The following MYO1B variants were observed in gnomAD, a reference collection of about 807,000 sequenced individuals.
The protein encoded by MYO1B is myosin IB, also known as unconventional myosin-Ib.
MYO1B carries 72 observed loss-of-function variants against 159.7 expected under a neutral mutation model. The ratio of observed to expected loss-of-function variants is 0.45; its 90% CI spans 0.37 to 0.55. The LOEUF (loss-of-function observed/expected upper bound fraction) is 0.55, where lower values mean the gene tolerates loss of function less well. Ranked by LOEUF, MYO1B falls within the 20% of genes least tolerant of loss-of-function variation. The pLI is 0.00. For synonymous variants in MYO1B, 468 were observed against 473.8 expected, an observed-to-expected ratio of 0.99 and a Z score of 0.16; for missense variants, 1,062 against 1,364.8, an observed-to-expected ratio of 0.78 and a Z score of 3.50.
intron 26 of MYO1B, among the ~76,000 whole-genome samples, chr2:191,409,982 T>A (rs1333730376): frequency 6.6e-6 from 1 of 152,134 alleles, no homozygotes; most frequent in Non-Finnish European, 1.5e-5. Context: ...TGGGCTTGTT[T>A]TTTTGTTAGA....
chr2:191,281,164 G>T (rs1033258610), intron 2 of MYO1B, among the ~76,000 whole-genome samples: 1 of 152,138 alleles, frequency 6.6e-6, no homozygotes, highest in African/African-American at 2.4e-5. Context: ...TCTTCACTTT[G>T]AGGTGGGTTG....
At chr2:191,420,567 C>T (rs1697876177) in intron 30 of MYO1B, among the ~76,000 whole-genome samples, 1 of 152,188 alleles carries the variant, frequency 6.6e-6, no homozygotes, top group Non-Finnish European at 1.5e-5. Flanking sequence ...TGGGTAAATG[C>T]ACTCACTCTA....
intron 1 of MYO1B, among the ~76,000 whole-genome samples, chr2:191,254,422 C>A (rs899045285): frequency 6.6e-6 from 1 of 151,994 alleles, no homozygotes; most frequent in Non-Finnish European, 1.5e-5. Context: ...CATGTTGAGA[C>A]TGATCTCGAA....
At chr2:191,406,093 A>G (rs977849365) in intron 24 of MYO1B, among the ~76,000 whole-genome samples, 1 of 152,206 alleles carries the variant, frequency 6.6e-6, no homozygotes, top group Non-Finnish European at 1.5e-5. Context: ...CTTCTCTATC[A>G]GCACTTGCTG....
chr2:191,391,821 A>G (rs144629547), intron 18 of MYO1B, among the ~76,000 whole-genome samples: 10 of 152,354 alleles, frequency 6.6e-5, no homozygotes, highest in African/African-American at 2.2e-4. Context: ...ACATCATTAT[A>G]GGTATTTTTG....
At chr2:191,254,594 C>T (rs987889703) in intron 1 of MYO1B, among the ~76,000 whole-genome samples, 3 of 151,952 alleles carry the variant, frequency 2.0e-5, no homozygotes, top group African/African-American at 7.2e-5. Context: ...CAGCCTCATA[C>T]TCCTGGACTC....
In MYO1B at chr2:191,364,167, A is replaced by G. The variant is rs1459339954; in HGVS notation, c.923A>G (p.Glu308Gly). The G allele has an allele frequency of 6.2e-7, 1 of 1,613,850 alleles. No homozygotes were observed. The highest frequency in any genetic ancestry group is 2.2e-5 in the East Asian group (1 of 44,874). The change falls in exon 11 of 31, where the codon GAA becomes GGA. Residue 308 changes from glutamate (E) to glycine (G), a missense_variant. This residue lies in a region of MYO1B where 415 missense variants were observed against 544.0 expected (regional missense o/e 0.76). Coordinates refer to ENST00000392318, the MANE Select transcript of MYO1B (RefSeq NM_001130158.3). ...SKIKDKNELKEICELTGIDQS... is the reference protein window; with the variant it reads ...SKIKDKNELKGICELTGIDQS... The stretch of plus-strand genomic sequence containing the variant: ...CCCTGCCTTCCCACAGAGTTAAAAG[A>G]AATTTGTGAATTGACCGGCATTGAT...
intron 1 of MYO1B, among the ~76,000 whole-genome samples, chr2:191,270,741 A>C (rs1687407567): frequency 1.3e-5 from 2 of 152,150 alleles, no homozygotes; most frequent in Non-Finnish European, 2.9e-5. Context: ...GTGTTCATGA[A>C]ATCTTGCCAC....
intron 1 of MYO1B, among the ~76,000 whole-genome samples, chr2:191,255,003 C>T (rs775657233): frequency 3.9e-5 from 6 of 152,122 alleles, no homozygotes; most frequent in Non-Finnish European, 5.9e-5. Flanking sequence ...ACATAGCTCA[C>T]TGCAGGATCG....
chr2:191,414,603 G>A lies in MYO1B; in HGVS notation c.3093G>A (p.Leu1031=), dbSNP rs771913622. 8 of 1,613,466 alleles carry A rather than the reference G, an allele frequency of 5.0e-6. No homozygotes were observed. Among genetic ancestry groups the A allele is most frequent in the South Asian group, 1.1e-5 (1 of 90,980 alleles). The change falls in exon 29 of 31, where the codon TTG becomes TTA. Residue 1031 remains leucine, a synonymous_variant. Coordinates refer to ENST00000392318, the MANE Select transcript of MYO1B (RefSeq NM_001130158.3). ...KSGQIKSEVP[L]VDVTKVSMSS... is the part of the protein sequence containing the mutation. Reference sequence around the variant, plus strand: ...GACAAATCAAGTCAGAGGTTCCATTGGTGGATGTGACCAAGGTATCAATGA... The same window carrying A: ...GACAAATCAAGTCAGAGGTTCCATTAGTGGATGTGACCAAGGTATCAATGA...
At chr2:191,322,072 C>G (rs1236978549) in intron 3 of MYO1B, among the ~76,000 whole-genome samples, 1 of 152,178 alleles carries the variant, frequency 6.6e-6, no homozygotes, top group African/African-American at 2.4e-5. Flanking sequence ...CCTGCAGTAG[C>G]AAGGGCAGAT....
At chr2:191,302,681 C>G (rs1689409690) in intron 3 of MYO1B, among the ~76,000 whole-genome samples, 1 of 152,120 alleles carries the variant, frequency 6.6e-6, no homozygotes, top group African/African-American at 2.4e-5. Flanking sequence ...GAGATGTGTC[C>G]TTCTTAAGTT....
intron 8 of MYO1B, among the ~76,000 whole-genome samples, chr2:191,361,827 G>C (rs1266444614): frequency 6.6e-6 from 1 of 151,810 alleles, no homozygotes; most frequent in Non-Finnish European, 1.5e-5. Context: ...AAATAATTCA[G>C]ATATGAATCC....
intron 3 of MYO1B, among the ~76,000 whole-genome samples, chr2:191,328,155 A>G (rs1691224788): frequency 2.0e-5 from 3 of 152,298 alleles, no homozygotes; most frequent in African/African-American, 7.2e-5. Flanking sequence ...TTTAATTTGC[A>G]GGTCTGTGTT....
intron 1 of MYO1B, among the ~76,000 whole-genome samples, chr2:191,272,232 C>T (rs1314416168): frequency 1.3e-5 from 2 of 152,168 alleles, no homozygotes; most frequent in East Asian, 1.9e-4. Flanking sequence ...CTGGCACAGC[C>T]TGTGGAGTTG....
chr2:191,401,571 A>C (rs1696618919), intron 23 of MYO1B: 1 of 152,256 alleles, frequency 6.6e-6, no homozygotes, highest in East Asian at 1.9e-4. Context: ...TAGAAAATCA[A>C]AGTCATCTTT....
At chr2:191,318,397 A>G (rs1228294067) in intron 3 of MYO1B, among the ~76,000 whole-genome samples, 2 of 152,228 alleles carry the variant, frequency 1.3e-5, no homozygotes, top group Non-Finnish European at 2.9e-5. Flanking sequence ...CAGTCTGAGT[A>G]TATAGAAATG....
At chr2:191,247,010 G>A (rs1403402800) in intron 1 of MYO1B, among the ~76,000 whole-genome samples, 1 of 152,144 alleles carries the variant, frequency 6.6e-6, no homozygotes, top group Non-Finnish European at 1.5e-5. Context: ...ATCGAGACTC[G>A]CCAAAGGATT....
chr2:191,246,549 AGC>A (rs1491149531), intron 1 of MYO1B, among the ~76,000 whole-genome samples: 1 of 27,158 alleles, frequency 3.7e-5, no homozygotes, highest in African/African-American at 1.1e-4. Context: ...CAGTGAAAGA[AGC>A]CCCCCCCCCT....
Sources: gnomAD v4.1 joint callset for allele counts (sites outside exome capture counted in the v4.1 genomes callset) on GRCh38, gnomAD v4.1.1 for gene constraint, gnomAD v4.1.1 regional missense constraint, MANE v1.5 for transcripts, NCBI Gene and HGNC (gene_info 2026-07-23, HGNC 2026-07-21) for gene names.